C4BPA: variants seen among roughly 807,000 people sequenced by gnomAD.
C4BPA encodes C4b-binding protein alpha chain.
C4BPA carries 31 observed loss-of-function variants against 63.7 expected under a neutral mutation model. That is an observed-to-expected ratio of 0.49 (90% CI 0.37 to 0.66). C4BPA has a LOEUF of 0.66. C4BPA is among the 30% of genes least tolerant of loss of function. C4BPA has a pLI of 0.00. For missense variants in C4BPA, 572 were observed against 723.3 expected (o/e 0.79, Z 2.40); for synonymous variants, 259 against 254.7 (o/e 1.02, Z -0.16).
chr1:207,144,862 T>C lies in C4BPA; in HGVS notation c.*145T>C. 2.1e-6 allele frequency: 1 copy of C among 469,460 alleles called. No individual in the cohort carries two copies. The highest frequency in any genetic ancestry group is 3.6e-5 in the East Asian group (1 of 27,612). The allele number at this position is 469,460 out of a possible 1,614,324, so 29.1% of individuals were successfully genotyped here. A position where few individuals can be genotyped will look rare whatever the true frequency, so the allele number is the denominator to read the frequency against. ...GAAATGATAATTTGCTAAAGTTTAG[T>C]GCTTTGAGATTGTGAAATTATTAAT... is the stretch of plus-strand genomic sequence containing the variant. On this transcript the variant is annotated 3_prime_UTR_variant, in exon 12 of 12. Coordinates refer to ENST00000367070, the MANE Select transcript of C4BPA (RefSeq NM_000715.4).
intron 4 of C4BPA, among the ~76,000 whole-genome samples, chr1:207,119,063 G>A (rs1490521704): frequency 6.6e-6 from 1 of 152,036 alleles, no homozygotes; most frequent in Non-Finnish European, 1.5e-5. Context: ...AGCGAGTAAA[G>A]CCCACCATTG....
At chr1:207,120,601 A>G (rs1684903106) in intron 4 of C4BPA, among the ~76,000 whole-genome samples, 1 of 152,198 alleles carries the variant, frequency 6.6e-6, no homozygotes, top group East Asian at 1.9e-4. Flanking sequence ...CCATCTCTAA[A>G]GAATAAAAAA....
intron 9 of C4BPA, among the ~76,000 whole-genome samples, chr1:207,138,610 G>A (rs1002391256): frequency 7.9e-5 from 12 of 152,120 alleles, no homozygotes; most frequent in Admixed American, 3.3e-4. Context: ...GGGTCCTAAG[G>A]CTCAAGCAAC....
At chr1:207,136,362 G>C (rs916937822) in intron 9 of C4BPA, among the ~76,000 whole-genome samples, 1 of 152,162 alleles carries the variant, frequency 6.6e-6, no homozygotes, top group African/African-American at 2.4e-5. Context: ...TTCTACTGGG[G>C]ATGCTCTGGT....
At chr1:207,109,072 T>C (rs1684615225) in intron 1 of C4BPA, among the ~76,000 whole-genome samples, 1 of 152,088 alleles carries the variant, frequency 6.6e-6, no homozygotes, top group Admixed American at 6.5e-5. Context: ...ATGACTTCCT[T>C]TCAGGAAGAT....
intron 6 of C4BPA, 69 bp from the exon 7 acceptor site, chr1:207,126,644 C>A: frequency 1.8e-6 from 2 of 1,104,870 alleles, no homozygotes; most frequent in Non-Finnish European, 2.7e-6. Context: ...ACTGGATTAG[C>A]AGTGGCAGTA....
chr1:207,119,903 T>A (rs4436396), intron 4 of C4BPA, among the ~76,000 whole-genome samples: 88,448 of 151,642 alleles, frequency 0.58, 27,180 homozygotes, highest in East Asian at 0.73. Flanking sequence ...ACTTCATCTG[T>A]CGTTGGTTCC....
rs762693425 is a variant in C4BPA, at chr1:207,141,130, C to A, written c.1298C>A (p.Ala433Asp). 5.6e-6 allele frequency: 9 copies of A among 1,611,232 alleles called. No homozygotes were observed. The highest frequency in any genetic ancestry group is 7.6e-6 in the Non-Finnish European group (9 of 1,178,858). ...GTTTGCAATTTTCCTCCTAAAATTG[C>A]CCATGGGCATTATAAACAATCTAGT... is the stretch of plus-strand genomic sequence containing the variant. The part of the protein sequence containing the change: ...GDICNFPPKI[A>D]HGHYKQSSSY... The change falls in exon 10 of 12, where the codon GCC becomes GAC. Residue 433 changes from alanine (A) to aspartate (D), a missense_variant. Ala to Asp is a moderately radical substitution (Grantham distance 126). This residue lies in a region of C4BPA where 465 missense variants were observed against 629.4 expected (regional missense o/e 0.74). Transcript: ENST00000367070.
intron 11 of C4BPA, 127 bp from the exon 12 acceptor site, chr1:207,144,417 C>A: frequency 1.4e-6 from 1 of 724,554 alleles, no homozygotes; most frequent in East Asian, 2.9e-5. Flanking sequence ...TCTTGTTTTC[C>A]CAGCCTCAAC....
chr1:207,124,144 G>A (rs758806306), intron 5 of C4BPA, 31 bp from the exon 6 acceptor site: 2 of 1,594,974 alleles, frequency 1.3e-6, no homozygotes, highest in Admixed American at 3.4e-5. Flanking sequence ...CCTTCGCTGA[G>A]TATTTCTTTC....
At chr1:207,115,365 A>G (rs1305038711) in intron 3 of C4BPA, 51 bp from the exon 4 acceptor site, 3 of 932,380 alleles carry the variant, frequency 3.2e-6, no homozygotes, top group Non-Finnish European at 5.0e-6. Flanking sequence ...TTCTAATGCC[A>G]TATCTGTGAG....
At chr1:207,139,412 C>T (rs1419787972) in intron 9 of C4BPA, among the ~76,000 whole-genome samples, 1 of 152,194 alleles carries the variant, frequency 6.6e-6, no homozygotes, top group Non-Finnish European at 1.5e-5. Context: ...TTCTCTCCCA[C>T]CCCTGGGAGA....
chr1:207,118,325 C>T (rs1188789132), intron 4 of C4BPA, among the ~76,000 whole-genome samples: 1 of 152,000 alleles, frequency 6.6e-6, no homozygotes, highest in Non-Finnish European at 1.5e-5. Context: ...TTAGTTCATT[C>T]TCATGCTGCT....
chr1:207,143,812 T>A lies in C4BPA; in HGVS notation c.1445-6T>A. ...CAGATTTCTTAAAAATATGTTTCCA[T>A]TACAGCTCTGTGTCGGAAACCAGAA... is the stretch of plus-strand genomic sequence containing the variant. On this transcript the variant is annotated splice_polypyrimidine_tract_variant and splice_region_variant and intron_variant, in intron 10 of 11. Transcript: ENST00000367070. 2 of 1,603,990 alleles carry A rather than the reference T, an allele frequency of 1.2e-6. No individual in the cohort carries two copies. The highest frequency in any genetic ancestry group is 1.7e-6 in the Non-Finnish European group (2 of 1,171,252).
Position 207,134,561 on chromosome 1 carries a change from G to A in C4BPA, c.1242G>A (p.Thr414=), listed in dbSNP as rs749628774. The A allele has an allele frequency of 2.1e-5, 34 of 1,613,422 alleles. No homozygotes were observed. In the South Asian group the frequency reaches 2.5e-4, roughly 12 times the overall value. ...RFSAICQGDG[T]WSPRTPSCGD... ...CAGCTATATGCCAAGGAGATGGCAC[G>A]TGGAGTCCCCGAACACCATCATGTG... The change falls in exon 9 of 12, where the codon ACG becomes ACA. Residue 414 remains threonine (T), a synonymous_variant. Coordinates refer to ENST00000367070, the MANE Select transcript of C4BPA (RefSeq NM_000715.4).
intron 1 of C4BPA, among the ~76,000 whole-genome samples, chr1:207,108,048 T>C (rs546296122): frequency 6.6e-6 from 1 of 152,196 alleles, no homozygotes; most frequent in Admixed American, 6.5e-5. Context: ...GTTTGAAACA[T>C]GTTAAATTCA....
intron 2 of C4BPA, among the ~76,000 whole-genome samples, chr1:207,113,616 AT>A (rs1349598605): frequency 7.2e-5 from 11 of 152,306 alleles, no homozygotes; most frequent in Admixed American, 6.5e-4. Context: ...TGTAAAAAAA[AT>A]AAATTAAAAA....
intron 7 of C4BPA, among the ~76,000 whole-genome samples, chr1:207,130,665 G>C (rs567871599): frequency 6.6e-6 from 1 of 152,248 alleles, no homozygotes; most frequent in African/African-American, 2.4e-5. Context: ...GATGAACCTT[G>C]AAAATATTAT....
intron 4 of C4BPA, among the ~76,000 whole-genome samples, chr1:207,119,940 T>C (rs1365930278): frequency 6.6e-6 from 1 of 152,250 alleles, no homozygotes; most frequent in East Asian, 1.9e-4. Context: ...CCTAAACTTT[T>C]ATTCTTGAAT....
Sources: allele counts gnomAD v4.1 joint callset (sites outside exome capture counted in the v4.1 genomes callset), GRCh38; gene constraint gnomAD v4.1.1; regional missense constraint gnomAD v4.1.1; transcripts MANE v1.5; gene names NCBI Gene and HGNC (gene_info 2026-07-23, HGNC 2026-07-21).